The following GPSM2 variants were observed in gnomAD, a reference collection of about 807,000 sequenced individuals.
GPSM2 encodes the protein G protein signaling modulator 2, also known as G protein-signaling modulator 2.
In GPSM2, 58 loss-of-function variants were observed where a neutral mutation model predicts 78.4. That is an observed-to-expected ratio of 0.74 (90% CI 0.60 to 0.92). The LOEUF is 0.92. Among genes scored for constraint, GPSM2 ranks in the 40% least tolerant of loss-of-function variants. The pLI, the probability that GPSM2 is intolerant of heterozygous loss-of-function variation, is 0.00. For synonymous variants in GPSM2, 224 were observed against 280.2 expected, an observed-to-expected ratio of 0.80 and a Z score of 2.00; for missense variants, 700 against 815.5, an observed-to-expected ratio of 0.86 and a Z score of 1.73.
chr1:108,908,167 C>T lies in GPSM2; in HGVS notation c.1192+3913C>T, dbSNP rs569387388. Among the ~76,000 whole-genome samples the T allele has an allele frequency of 2.0e-5, 3 of 152,150 alleles. No homozygotes were observed. The East Asian group carries it at 5.8e-4, about 29-fold the overall frequency. The stretch of plus-strand genomic sequence containing the variant: ...CGAGCGGATCATGAGGTCAGGAGAT[C>T]GAGACCATCCTGGCTAACGTGGTGA... On this transcript the variant is annotated intron_variant, in intron 10 of 14. Transcript: ENST00000264126.
In GPSM2 at chr1:108,896,778, C is replaced by T. The variant is rs75774985; in HGVS notation, c.57-86C>T. ...GGCAGCTGCCCTGAACAAGAGTAGC[C>T]GCTTAAATTATATTACGGGAAGTTA... On this transcript the variant is annotated intron_variant, in intron 2 of 14. Transcript: ENST00000264126. The T allele has an allele frequency of 6.7e-3, 6,903 of 1,030,132 alleles. 266 individuals carry two copies. In the African/African-American group the frequency reaches 0.088, roughly 13 times the overall value. 63.8% of individuals were successfully genotyped at this position (1,030,132 alleles called of 1,614,324 possible). A position where few individuals can be genotyped will look rare whatever the true frequency, so the allele number is the denominator to read the frequency against.
At chr1:108,918,932 C>A in intron 12 of GPSM2, 143 bp downstream of exon 12, 2 of 662,172 alleles carry the variant, frequency 3.0e-6, no homozygotes, top group Admixed American at 2.6e-5. Context: ...TCTTTTCTAT[C>A]TTCTTCAAAA....
rs1229027806 is a variant in GPSM2, at chr1:108,924,045, ATCT to A, written c.1651_1653del (p.Leu551del). On this transcript the variant is annotated inframe_deletion, in exon 14 of 15. Coordinates refer to ENST00000264126, the MANE Select transcript of GPSM2 (RefSeq NM_013296.5). ...TCCCCCAACACGGATGAGTTTTTAG[ATCT>A]TCTTGCCAGCTCACAGAGTCGCCGT... The A allele has an allele frequency of 5.6e-6, 9 of 1,613,286 alleles. No individual in the cohort carries two copies. In the East Asian group the frequency reaches 8.9e-5, roughly 16 times the overall value.
chr1:108,931,161 T>TA lies in GPSM2; in HGVS notation c.*1226dup. On this transcript the variant is annotated 3_prime_UTR_variant, in exon 15 of 15. Transcript: ENST00000264126. ...AAACAAACTTTTCTAAGTTCTAATA[T>TA]AAAAACAAAAAACAAAACCCATGTG... 1 of 704,194 alleles carries TA rather than the reference T, an allele frequency of 1.4e-6. No homozygotes were observed. The highest frequency in any genetic ancestry group is 3.4e-5 in the Admixed American group (1 of 29,044). The allele number at this position is 704,194 out of a possible 1,614,324, so 43.6% of individuals were successfully genotyped here.
intron 2 of GPSM2, among the ~76,000 whole-genome samples, chr1:108,889,062 G>T (rs1647774595): frequency 6.6e-6 from 1 of 152,134 alleles, no homozygotes; most frequent in Admixed American, 6.5e-5. Flanking sequence ...ATCTACTCAT[G>T]TGCATCCTCC....
At chr1:108,928,062 G>C (rs1651276154) in intron 14 of GPSM2, among the ~76,000 whole-genome samples, 1 of 152,146 alleles carries the variant, frequency 6.6e-6, no homozygotes, top group African/African-American at 2.4e-5. Context: ...CAACAACGTA[G>C]ACAAATTGGA....
chr1:108,902,237 C>T (rs549693421), intron 8 of GPSM2, among the ~76,000 whole-genome samples: 14 of 152,074 alleles, frequency 9.2e-5, no homozygotes, highest in African/African-American at 2.9e-4. Flanking sequence ...AAAAATTAGC[C>T]GGGTGTGGTG....
intron 1 of GPSM2, among the ~76,000 whole-genome samples, chr1:108,884,313 G>T (rs1647362576): frequency 6.6e-6 from 1 of 152,046 alleles, no homozygotes; most frequent in Non-Finnish European, 1.5e-5. Context: ...TTGGGGCAGG[G>T]TCTTGCTCTG....
intron 2 of GPSM2, among the ~76,000 whole-genome samples, chr1:108,888,396 G>A (rs1647730090): frequency 6.6e-6 from 1 of 152,010 alleles, no homozygotes; most frequent in Admixed American, 6.5e-5. Flanking sequence ...TTCCCAGACT[G>A]GAGTGCAGTG....
rs544144275 is a variant in GPSM2, at chr1:108,908,409, C to T, written c.1192+4155C>T. Among the ~76,000 whole-genome samples, 113 of 151,598 alleles carry T rather than the reference C, an allele frequency of 7.5e-4. No homozygotes were observed. The Middle Eastern group carries it at 0.017, about 23-fold the overall frequency. ...AACAAAAAAAACACAGGAGGCCAGGCGCGGTGGCTCACACCTGTAATCCCA... is the reference window on the plus strand; with the variant it reads ...AACAAAAAAAACACAGGAGGCCAGGTGCGGTGGCTCACACCTGTAATCCCA... On this transcript the variant is annotated intron_variant, in intron 10 of 14. Coordinates refer to ENST00000264126, the MANE Select transcript of GPSM2 (RefSeq NM_013296.5).
intron 5 of GPSM2, among the ~76,000 whole-genome samples, chr1:108,898,357 T>G (rs1490155954): frequency 1.3e-5 from 2 of 152,176 alleles, no homozygotes; most frequent in African/African-American, 4.8e-5. Flanking sequence ...TTTAGAGTAA[T>G]TTAGTCTTTT....
chr1:108,881,146 G>A (rs1665877326), intron 1 of GPSM2, among the ~76,000 whole-genome samples: 1 of 152,158 alleles, frequency 6.6e-6, no homozygotes, highest in Non-Finnish European at 1.5e-5. Flanking sequence ...CTTTCTATAT[G>A]TCTCTGTCAA....
intron 12 of GPSM2, among the ~76,000 whole-genome samples, chr1:108,920,672 A>G (rs972653917): frequency 6.6e-6 from 1 of 151,924 alleles, no homozygotes; most frequent in African/African-American, 2.4e-5. Context: ...GTGGTTTCTT[A>G]CATAGCTTTT....
intron 12 of GPSM2, among the ~76,000 whole-genome samples, chr1:108,920,122 G>A (rs1186924948): frequency 6.6e-6 from 1 of 151,676 alleles, no homozygotes; most frequent in Non-Finnish European, 1.5e-5. Flanking sequence ...AGCTGAGATT[G>A]CGCCACTGCA....
intron 8 of GPSM2, 150 bp from the exon 9 acceptor site, chr1:108,902,976 T>G (rs1648930094): frequency 4.8e-6 from 3 of 631,418 alleles, no homozygotes; most frequent in Admixed American, 2.5e-5. Context: ...TTCTAGTATG[T>G]CTATAATATC....
At chr1:108,913,916 AC>A (rs1649973042) in intron 10 of GPSM2, among the ~76,000 whole-genome samples, 1 of 152,224 alleles carries the variant, frequency 6.6e-6, no homozygotes, top group African/African-American at 2.4e-5. Flanking sequence ...GAAAAGAGTA[AC>A]AGCATAGTAG....
At chr1:108,917,041 C>T (rs1327537304) in intron 11 of GPSM2, among the ~76,000 whole-genome samples, 2 of 152,226 alleles carry the variant, frequency 1.3e-5, no homozygotes, top group East Asian at 3.9e-4. Flanking sequence ...GACATTGCTT[C>T]GCCCTGTATT....
rs1227535621 is a variant in GPSM2, at chr1:108,914,415, G to A, written c.1263+7G>A. ...GAAGTTAACACCAGAAAAGGTGGGTGGCAGGTTTTATGTTTTAAATTTCAT... is the reference window on the plus strand; with the variant it reads ...GAAGTTAACACCAGAAAAGGTGGGTAGCAGGTTTTATGTTTTAAATTTCAT... On this transcript the variant is annotated splice_region_variant and intron_variant, in intron 11 of 14. Coordinates refer to ENST00000264126, the MANE Select transcript of GPSM2 (RefSeq NM_013296.5). 6.3e-7 allele frequency: 1 copy of A among 1,586,316 alleles called. No homozygotes were observed.
chr1:108,898,980 C>G lies in GPSM2; in HGVS notation c.783C>G (p.Ala261=). The change falls in exon 7 of 15, where the codon GCC becomes GCG. Residue 261 remains alanine (A), a synonymous_variant. Coordinates refer to ENST00000264126, the MANE Select transcript of GPSM2 (RefSeq NM_013296.5). ...AYIFLGEFET[A]SEYYKKTLLL... is the part of the protein sequence containing the mutation. ...TATTTCTTGGTGAATTTGAAACTGC[C>G]TCGGAATACTACAAGTTAGTCTAAT... The G allele has an allele frequency of 6.4e-7, 1 of 1,553,108 alleles. No individual in the cohort carries two copies. The highest frequency in any genetic ancestry group is 1.1e-5 in the South Asian group (1 of 89,752).
Sources: gnomAD v4.1 joint callset for allele counts (sites outside exome capture counted in the v4.1 genomes callset) on GRCh38, gnomAD v4.1.1 for gene constraint, MANE v1.5 for transcripts, NCBI Gene and HGNC (gene_info 2026-07-23, HGNC 2026-07-21) for gene names.